The following SNX29 variants were observed in gnomAD, a reference collection of about 807,000 sequenced individuals.
SNX29 encodes the protein sorting nexin-29.
SNX29 carries 78 observed loss-of-function variants against 102.1 expected under a neutral mutation model. The observed-to-expected ratio is 0.76, with a 90% CI of 0.64 to 0.92. The LOEUF (loss-of-function observed/expected upper bound fraction) is 0.92, where lower values mean the gene tolerates loss of function less well. Ranked by LOEUF, SNX29 falls within the 40% of genes least tolerant of loss-of-function variation. The pLI is 0.00. For missense variants in SNX29, 1,280 were observed against 1,061.7 expected, an observed-to-expected ratio of 1.21 and a Z score of -2.86; for synonymous variants, 580 against 414.5, an observed-to-expected ratio of 1.40 and a Z score of -4.85.
chr16:12,202,999 G>A (rs1294503739), intron 14 of SNX29, among the ~76,000 whole-genome samples: 2 of 152,210 alleles, frequency 1.3e-5, no homozygotes, highest in Admixed American at 6.5e-5. Context: ...AGGTGGACTG[G>A]TGGCATTGGA....
intron 20 of SNX29, among the ~76,000 whole-genome samples, chr16:12,566,651 A>G (rs2079023484): frequency 6.6e-6 from 1 of 152,182 alleles, no homozygotes; most frequent in Non-Finnish European, 1.5e-5. Flanking sequence ...GCATCTTTGA[A>G]CCATCCTCTA....
chr16:12,144,544 C>T (rs1018014470), intron 13 of SNX29, among the ~76,000 whole-genome samples: 2 of 152,154 alleles, frequency 1.3e-5, no homozygotes, highest in African/African-American at 2.4e-5. Context: ...GCTCCTTTTT[C>T]CGTTACTGCC....
intron 10 of SNX29, among the ~76,000 whole-genome samples, chr16:12,075,377 C>G (rs2051504071): frequency 6.6e-6 from 1 of 152,206 alleles, no homozygotes; most frequent in Admixed American, 6.5e-5. Context: ...AGTTTTCCTT[C>G]TAACAGACAG....
intron 19 of SNX29, among the ~76,000 whole-genome samples, chr16:12,495,405 C>T (rs2088772487): frequency 6.6e-6 from 1 of 152,166 alleles, no homozygotes; most frequent in African/African-American, 2.4e-5. Flanking sequence ...GCCTCAACTT[C>T]CCCAAGTGCT....
At chr16:12,213,198 C>G (rs538792889) in intron 14 of SNX29, among the ~76,000 whole-genome samples, 1 of 152,302 alleles carries the variant, frequency 6.6e-6, no homozygotes, top group South Asian at 2.1e-4. Context: ...TTGGATGGAA[C>G]TAGAGGCCAT....
chr16:12,042,991 G>A lies in SNX29; in HGVS notation c.342G>A (p.Arg114=). 1.9e-6 allele frequency: 3 copies of A among 1,613,768 alleles called. No individual in the cohort carries two copies. Among genetic ancestry groups the A allele is most frequent in the Non-Finnish European group, 2.5e-6 (3 of 1,179,868 alleles). The change falls in exon 5 of 21, where the codon CGG becomes CGA. Residue 114 remains arginine (R), a synonymous_variant. Transcript: ENST00000566228. ...SLRHIASDVG[R]GRAWLRCALN... is the part of the protein sequence containing the mutation. The stretch of plus-strand genomic sequence containing the variant: ...GCCACATCGCCTCAGACGTGGGCCG[G>A]GGTCGCGCCTGGCTGCGCTGTGCCC...
Position 12,538,765 on chromosome 16 carries a change from G to A in SNX29, c.2318+13924G>A, listed in dbSNP as rs574970926. Reference sequence around the variant, plus strand: ...CACCCATATGGGTATCATCCAAGCTGTGAGCATGTCACATCGCCAAGGGGG... The same window carrying A: ...CACCCATATGGGTATCATCCAAGCTATGAGCATGTCACATCGCCAAGGGGG... On this transcript the variant is annotated intron_variant, in intron 20 of 20. Coordinates refer to ENST00000566228, the MANE Select transcript of SNX29 (RefSeq NM_032167.5). 8.5e-5 allele frequency among the ~76,000 whole-genome samples: 13 copies of A among 152,326 alleles called. No individual in the cohort carries two copies. The South Asian group carries it at 2.7e-3, about 32-fold the overall frequency.
chr16:12,380,976 A>ACCAT (rs1192440586), intron 16 of SNX29, among the ~76,000 whole-genome samples: 26 of 54,252 alleles, frequency 4.8e-4, no homozygotes, highest in Non-Finnish European at 6.8e-4. Context: ...TCATCCACCC[A>ACCAT]CCATCCATCC....
In SNX29 at chr16:12,351,553, C is replaced by G. The variant is rs150651836; in HGVS notation, c.1783-4610C>G. Among the ~76,000 whole-genome samples, 1,051 of 152,262 alleles carry G rather than the reference C, an allele frequency of 6.9e-3. 9 individuals carry two copies. Among genetic ancestry groups the G allele is most frequent in the African/African-American group, 0.021 (888 of 41,538 alleles). On this transcript the variant is annotated intron_variant, in intron 15 of 20. Coordinates refer to ENST00000566228, the MANE Select transcript of SNX29 (RefSeq NM_032167.5). ...AATGTGATTAGATGGAGGGAACATTCTGATATGAAAGGAAATGCCAGAGGC... is the reference window on the plus strand; with the variant it reads ...AATGTGATTAGATGGAGGGAACATTGTGATATGAAAGGAAATGCCAGAGGC...
At chr16:12,099,362 A>G (rs1339965745) in intron 11 of SNX29, among the ~76,000 whole-genome samples, 6 of 152,162 alleles carry the variant, frequency 3.9e-5, no homozygotes, top group Admixed American at 6.5e-5. Flanking sequence ...GAAGGAAGGA[A>G]GAGGCACCGT....
At position 12,078,899 on chromosome 16, in the gene SNX29, AG is replaced by A; in HGVS notation, c.1387del (p.Glu463SerfsTer3). 6.2e-7 allele frequency: 1 copy of A among 1,604,168 alleles called. No individual in the cohort carries two copies. Among genetic ancestry groups the A allele is most frequent in the Non-Finnish European group, 8.5e-7 (1 of 1,175,520 alleles). On this transcript the variant is annotated frameshift_variant, in exon 11 of 21. Coordinates refer to ENST00000566228, the MANE Select transcript of SNX29 (RefSeq NM_032167.5). LOFTEE classifies it high-confidence loss of function. ...SSLLPSASVP[E>X]SMTISELRQA... is the part of the protein sequence containing the mutation. Reference sequence around the variant, plus strand: ...GCCTGTTACCTTCTGCCTCAGTGCCAGAGTCCATGACAATTAGTAAGTACTT... The same window carrying A: ...GCCTGTTACCTTCTGCCTCAGTGCCAAGTCCATGACAATTAGTAAGTACTT...
chr16:12,186,285 A>G (rs999726947), intron 13 of SNX29, among the ~76,000 whole-genome samples: 1 of 152,216 alleles, frequency 6.6e-6, no homozygotes, highest in Non-Finnish European at 1.5e-5. Context: ...TGCAGGGACA[A>G]AAAAAGAACT....
At position 12,540,309 on chromosome 16, in the gene SNX29, C is replaced by T. The variant is rs1044799158; in HGVS notation, c.2318+15468C>T. 2.6e-5 allele frequency among the ~76,000 whole-genome samples: 4 copies of T among 152,136 alleles called. No homozygotes were observed. The South Asian group carries it at 6.2e-4, about 24-fold the overall frequency. On this transcript the variant is annotated intron_variant, in intron 20 of 20. Transcript: ENST00000566228. ...TAGAGGCATTACGGGGTGGCCCCAC[C>T]CTCTTGGGACCACAGCTCTTATGAT...
rs1454608311 is a variant in SNX29 at position 12,233,900 on chromosome 16, TC to T, written c.1678+34218del. ...GTTTCCTTCATTTAGCATAAGGTTTTCAAGGTTTATCTACATTGTAGCATGT... is the reference window on the plus strand; with the variant it reads ...GTTTCCTTCATTTAGCATAAGGTTTTAAGGTTTATCTACATTGTAGCATGT... On this transcript the variant is annotated intron_variant, in intron 14 of 20. Transcript: ENST00000566228. Among the ~76,000 whole-genome samples, 4 of 152,344 alleles carry T rather than the reference TC, an allele frequency of 2.6e-5. No individual in the cohort carries two copies. In the East Asian group the frequency reaches 7.7e-4, roughly 29 times the overall value.
chr16:12,076,950 C>T (rs565473911), intron 10 of SNX29, among the ~76,000 whole-genome samples: 1 of 152,136 alleles, frequency 6.6e-6, no homozygotes, highest in Non-Finnish European at 1.5e-5. Flanking sequence ...CAGACCCTTC[C>T]AGGGGGTGGA....
At chr16:12,484,282 G>A (rs2088118376) in intron 19 of SNX29, among the ~76,000 whole-genome samples, 1 of 152,134 alleles carries the variant, frequency 6.6e-6, no homozygotes, top group South Asian at 2.1e-4. Flanking sequence ...CCAAAGTGCT[G>A]GGATTACAGA....
At chr16:12,352,133 T>A (rs2082006734) in intron 15 of SNX29, among the ~76,000 whole-genome samples, 1 of 152,144 alleles carries the variant, frequency 6.6e-6, no homozygotes, top group African/African-American at 2.4e-5. Context: ...CCAACAATGA[T>A]AGACTGGATT....
rs59089512 is a variant in SNX29, at chr16:12,468,169, CTTTT to C, written c.2038-9527_2038-9524del. The stretch of plus-strand genomic sequence containing the variant: ...CTTCCAGGACTGTCTACTCTGACTC[CTTTT>C]TTTTTTTTTTTTTTTTTTTTTTAGG... On this transcript the variant is annotated intron_variant, in intron 18 of 20. Transcript: ENST00000566228. Among the ~76,000 whole-genome samples, 64 of 92,690 alleles carry C rather than the reference CTTTT, an allele frequency of 6.9e-4. 2 individuals carry two copies. The highest frequency in any genetic ancestry group is 1.9e-3 in the African/African-American group (42 of 22,252). 60.8% of individuals were successfully genotyped at this position (92,690 alleles called of 152,430 possible). A position where few individuals can be genotyped will look rare whatever the true frequency, so the allele number is the denominator to read the frequency against.
At chr16:12,547,378 A>C (rs1184797969) in intron 20 of SNX29, among the ~76,000 whole-genome samples, 1 of 152,128 alleles carries the variant, frequency 6.6e-6, no homozygotes, top group African/African-American at 2.4e-5. Flanking sequence ...CAAAGGGTAG[A>C]GCTTTGTTAT....
Sources: gnomAD v4.1 joint callset for allele counts (sites outside exome capture counted in the v4.1 genomes callset) on GRCh38, gnomAD v4.1.1 for gene constraint, MANE v1.5 for transcripts, NCBI Gene and HGNC (gene_info 2026-07-23, HGNC 2026-07-21) for gene names.